The following PIP4K2A variants were observed in gnomAD, a reference collection of about 807,000 sequenced individuals.
PIP4K2A encodes the protein phosphatidylinositol 5-phosphate 4-kinase type-2 alpha.
PIP4K2A carries 14 observed loss-of-function variants against 42.9 expected under a neutral mutation model. The observed-to-expected ratio is 0.33, with a 90% CI of 0.22 to 0.51. PIP4K2A has a LOEUF of 0.51. PIP4K2A is among the 20% of genes least tolerant of loss of function. PIP4K2A has a pLI of 0.97. For synonymous variants in PIP4K2A, 192 were observed against 192.2 expected (o/e 1.00, Z 0.01); for missense variants, 434 against 519.8 (o/e 0.83, Z 1.61).
At chr10:22,573,970 G>T (rs1564426630) in intron 4 of PIP4K2A, among the ~76,000 whole-genome samples, 1 of 149,806 alleles carries the variant, frequency 6.7e-6, no homozygotes, top group Admixed American at 6.6e-5. Flanking sequence ...AGGGGAGAAG[G>T]GGGCAACCCC....
chr10:22,708,639 G>A (rs1719062330), intron 1 of PIP4K2A, among the ~76,000 whole-genome samples: 1 of 152,098 alleles, frequency 6.6e-6, no homozygotes, highest in Non-Finnish European at 1.5e-5. Flanking sequence ...TGGGGCTGGG[G>A]GAGGAATCCT....
At chr10:22,708,628 T>G (rs1475873142) in intron 1 of PIP4K2A, among the ~76,000 whole-genome samples, 1 of 152,156 alleles carries the variant, frequency 6.6e-6, no homozygotes, top group African/African-American at 2.4e-5. Flanking sequence ...TCACATACAG[T>G]TGGGGCTGGG....
intron 6 of PIP4K2A, among the ~76,000 whole-genome samples, chr10:22,562,888 C>T (rs536275815): frequency 9.2e-5 from 14 of 152,240 alleles, no homozygotes; most frequent in African/African-American, 3.4e-4. Context: ...ATTTCAAATG[C>T]CTCCTCTCTC....
At chr10:22,667,355 C>T (rs1465596478) in intron 1 of PIP4K2A, among the ~76,000 whole-genome samples, 1 of 148,308 alleles carries the variant, frequency 6.7e-6, no homozygotes. Context: ...CACGTTAAGT[C>T]TTGAAATATT....
chr10:22,664,114 T>TACACATATATATACATATATATATAC (rs1435145418), intron 1 of PIP4K2A, among the ~76,000 whole-genome samples: 1 of 70,210 alleles, frequency 1.4e-5, no homozygotes, highest in Non-Finnish European at 2.4e-5. Context: ...CATATATATA[T>TACACATATATATACATATATATATAC]ACATATATAT....
At chr10:22,667,912 T>TA (rs1839379824) in intron 1 of PIP4K2A, among the ~76,000 whole-genome samples, 1 of 122,568 alleles carries the variant, frequency 8.2e-6, no homozygotes, top group South Asian at 2.7e-4. Context: ...TGTGTGTGTG[T>TA]GTGTAGAGAG....
intron 1 of PIP4K2A, among the ~76,000 whole-genome samples, chr10:22,683,952 G>A (rs1347254297): frequency 6.6e-6 from 1 of 151,842 alleles, no homozygotes; most frequent in African/African-American, 2.4e-5. Context: ...TGCCCGGAAC[G>A]TTCCTGGCTA....
chr10:22,654,728 C>G (rs1296060509), intron 1 of PIP4K2A, among the ~76,000 whole-genome samples: 2 of 152,082 alleles, frequency 1.3e-5, no homozygotes, highest in Non-Finnish European at 1.5e-5. Context: ...TAATTCTGGG[C>G]AGTTAACACC....
intron 6 of PIP4K2A, among the ~76,000 whole-genome samples, chr10:22,560,501 C>G (rs1232885406): frequency 6.6e-6 from 1 of 152,180 alleles, no homozygotes. Flanking sequence ...CTCTCGAACC[C>G]TCAGTTGGTA....
At chr10:22,553,037 T>C (rs1836450981) in intron 6 of PIP4K2A, among the ~76,000 whole-genome samples, 1 of 152,170 alleles carries the variant, frequency 6.6e-6, no homozygotes, top group Non-Finnish European at 1.5e-5. Context: ...AATTACCTCA[T>C]GTGACAGGGA....
intron 1 of PIP4K2A, among the ~76,000 whole-genome samples, chr10:22,710,918 T>G (rs987656938): frequency 1.3e-5 from 2 of 152,242 alleles, no homozygotes; most frequent in East Asian, 1.9e-4. Flanking sequence ...TAAAAATCTT[T>G]TAGAGTATCT....
At chr10:22,622,436 C>G (rs892036796) in intron 1 of PIP4K2A, among the ~76,000 whole-genome samples, 1 of 152,242 alleles carries the variant, frequency 6.6e-6, no homozygotes, top group South Asian at 2.1e-4. Flanking sequence ...CTGGGCGTCA[C>G]GGAGCACGGG....
At chr10:22,594,943 C>T (rs1424909457) in intron 3 of PIP4K2A, among the ~76,000 whole-genome samples, 1 of 152,078 alleles carries the variant, frequency 6.6e-6, no homozygotes, top group Non-Finnish European at 1.5e-5. Context: ...GTGAGTAGCC[C>T]CAACCCACAC....
chr10:22,687,564 C>T (rs185961663), intron 1 of PIP4K2A, among the ~76,000 whole-genome samples: 24 of 152,134 alleles, frequency 1.6e-4, no homozygotes, highest in African/African-American at 5.8e-4. Context: ...CACACACACG[C>T]ATACACATGC....
intron 1 of PIP4K2A, among the ~76,000 whole-genome samples, chr10:22,710,193 A>T (rs1310857528): frequency 1.3e-5 from 2 of 152,120 alleles, no homozygotes; most frequent in Non-Finnish European, 2.9e-5. Flanking sequence ...TCCAATCCAC[A>T]CACAACACAG....
intron 1 of PIP4K2A, among the ~76,000 whole-genome samples, chr10:22,615,748 T>C (rs1031933954): frequency 1.3e-5 from 2 of 152,198 alleles, no homozygotes; most frequent in African/African-American, 4.8e-5. Flanking sequence ...AAAAGAGCAA[T>C]ATCACTTTAC....
intron 1 of PIP4K2A, among the ~76,000 whole-genome samples, chr10:22,658,882 T>C (rs940628926): frequency 1.3e-5 from 2 of 152,238 alleles, no homozygotes; most frequent in Non-Finnish European, 2.9e-5. Flanking sequence ...CAAGGTCATA[T>C]TCAATCCCAT....
At chr10:22,714,015 G>C in intron 1 of PIP4K2A, 168 bp downstream of exon 1, 1 of 649,666 alleles carries the variant, frequency 1.5e-6, no homozygotes, top group Non-Finnish European at 2.5e-6. Context: ...GGCCCAGAGG[G>C]CTGGGGGCAC....
intron 1 of PIP4K2A, among the ~76,000 whole-genome samples, chr10:22,634,045 T>G (rs957471947): frequency 1.3e-5 from 2 of 152,148 alleles, no homozygotes; most frequent in Non-Finnish European, 2.9e-5. Context: ...GAAAACAAAA[T>G]GTAGTTAAAT....
Sources: allele counts gnomAD v4.1 joint callset (sites outside exome capture counted in the v4.1 genomes callset), GRCh38; gene constraint gnomAD v4.1.1; transcripts MANE v1.5; gene names NCBI Gene and HGNC (gene_info 2026-07-23, HGNC 2026-07-21).